Variants in NYAP2 observed in about 807,000 individuals in gnomAD.
The protein encoded by NYAP2 is neuronal tyrosine-phosphorylated phosphoinositide-3-kinase adapter 2.
A neutral mutation model predicts 50.4 loss-of-function variants in NYAP2; 23 were observed. That is an observed-to-expected ratio of 0.46 (90% CI 0.33 to 0.65). The LOEUF (loss-of-function observed/expected upper bound fraction) is 0.65. Among genes scored for constraint, NYAP2 ranks in the 30% least tolerant of loss-of-function variants. The pLI, the probability that NYAP2 is intolerant of heterozygous loss-of-function variation, is 0.02. For synonymous variants in NYAP2, 394 were observed against 365.2 expected (o/e 1.08, Z -0.90); for missense variants, 885 against 861.0 (o/e 1.03, Z -0.35).
intron 3 of NYAP2, among the ~76,000 whole-genome samples, chr2:225,506,979 G>A (rs1222785357): frequency 6.6e-6 from 1 of 152,020 alleles, no homozygotes; most frequent in African/African-American, 2.4e-5. Flanking sequence ...ATACACTGGA[G>A]TATGAATCAG....
chr2:225,694,854 CT>C, the NYAP2 span, among the ~76,000 whole-genome samples: 75 of 151,564 alleles, frequency 4.9e-4, no homozygotes, highest in Non-Finnish European at 5.8e-4. Context: ...TTGGGCAATG[CT>C]TTTTTCATGG....
At chr2:225,540,228 G>A (rs892783828) in intron 4 of NYAP2, among the ~76,000 whole-genome samples, 5 of 152,092 alleles carry the variant, frequency 3.3e-5, no homozygotes, top group African/African-American at 7.2e-5. Context: ...TTCCAAAGTC[G>A]CTTCCACTTA....
intron 3 of NYAP2, among the ~76,000 whole-genome samples, chr2:225,419,299 T>C (rs1695177919): frequency 6.6e-6 from 1 of 152,246 alleles, no homozygotes. Context: ...TTATTAGCAT[T>C]GGTAATGTTC....
At chr2:225,493,337 A>C (rs183887231) in intron 3 of NYAP2, among the ~76,000 whole-genome samples, 7 of 152,312 alleles carry the variant, frequency 4.6e-5, no homozygotes, top group Admixed American at 3.9e-4. Context: ...TGCATTGCCA[A>C]AGCCTACGTT....
chr2:225,483,751 A>G (rs1441507153), intron 3 of NYAP2, among the ~76,000 whole-genome samples: 2 of 152,248 alleles, frequency 1.3e-5, no homozygotes, highest in Admixed American at 6.5e-5. Flanking sequence ...ATACGGAAAT[A>G]ATTTGATGAT....
chr2:225,528,751 C>T (rs1691200561), intron 4 of NYAP2, among the ~76,000 whole-genome samples: 1 of 152,196 alleles, frequency 6.6e-6, no homozygotes. Context: ...ACCTGTGATT[C>T]TCCAGAACCC....
intron 4 of NYAP2, among the ~76,000 whole-genome samples, chr2:225,527,219 G>A (rs1205131875): frequency 6.6e-6 from 1 of 152,162 alleles, no homozygotes; most frequent in African/African-American, 2.4e-5. Context: ...TGGCACAGAT[G>A]GAGCCTTCCA....
chr2:225,535,432 C>CA (rs1465838216), intron 4 of NYAP2, among the ~76,000 whole-genome samples: 1 of 152,030 alleles, frequency 6.6e-6, no homozygotes, highest in African/African-American at 2.4e-5. Flanking sequence ...TTACAAGTGG[C>CA]AAAAACAGTT....
chr2:225,401,817 T>C (rs1157623197), intron 2 of NYAP2, among the ~76,000 whole-genome samples: 1 of 152,068 alleles, frequency 6.6e-6, no homozygotes, highest in Admixed American at 6.6e-5. Context: ...TAAAGTTCTT[T>C]TGGTACCATA....
intron 4 of NYAP2, among the ~76,000 whole-genome samples, chr2:225,517,260 C>T (rs1690953324): frequency 6.6e-6 from 1 of 151,994 alleles, no homozygotes; most frequent in South Asian, 2.1e-4. Context: ...CTTTTTATTG[C>T]TTCAGTGTGG....
chr2:225,611,587 G>A (rs537955124), intron 5 of NYAP2, among the ~76,000 whole-genome samples: 24 of 151,310 alleles, frequency 1.6e-4, no homozygotes, highest in African/African-American at 4.9e-4. Context: ...AAGATTTCTC[G>A]ACTTCCCTCC....
chr2:225,630,649 A>G lies in NYAP2; in HGVS notation c.1828+3523A>G, dbSNP rs141133498. 1.6e-4 allele frequency among the ~76,000 whole-genome samples: 25 copies of G among 152,384 alleles called. No homozygotes were observed. In the East Asian group the frequency reaches 4.6e-3, roughly 28 times the overall value. On this transcript the variant is annotated intron_variant, in intron 6 of 6. Transcript: ENST00000636099. ...AGGGATAAAAGGGGAATGATGTTGC[A>G]TAAGCAGTAGATGGTGTCTGCCATG...
chr2:225,402,367 C>G (rs1040114731), intron 2 of NYAP2, among the ~76,000 whole-genome samples: 1 of 152,014 alleles, frequency 6.6e-6, no homozygotes, highest in Non-Finnish European at 1.5e-5. Flanking sequence ...CTCCAGTCAG[C>G]AATTTATTAG....
chr2:225,525,979 G>C lies in NYAP2; in HGVS notation c.523+12307G>C, dbSNP rs987060174. 1.6e-4 allele frequency among the ~76,000 whole-genome samples: 25 copies of C among 152,194 alleles called. 1 individual carries two copies. The highest frequency in any genetic ancestry group is 2.9e-5 in the Non-Finnish European group (2 of 68,034). ...TCTGAGAGTTGAGAGCAGCACCATG[G>C]CTGAAAGTCAGCAAGAAAGGTGGGA... is the stretch of plus-strand genomic sequence containing the variant. On this transcript the variant is annotated intron_variant, in intron 4 of 6. Coordinates refer to ENST00000636099, the Ensembl canonical transcript of NYAP2.
chr2:225,528,478 TAC>T (rs1481145991), intron 4 of NYAP2, among the ~76,000 whole-genome samples: 1 of 152,136 alleles, frequency 6.6e-6, no homozygotes, highest in African/African-American at 2.4e-5. Flanking sequence ...TGTGAGAAAA[TAC>T]ACTCTTTAGT....
the NYAP2 span, among the ~76,000 whole-genome samples, chr2:225,660,371 A>G: frequency 6.6e-6 from 1 of 152,034 alleles, no homozygotes; most frequent in African/African-American, 2.4e-5. Context: ...ATACAATGAA[A>G]ACATTAAGTC....
chr2:225,538,228 C>CAGTACCCT (rs1478672269), intron 4 of NYAP2, among the ~76,000 whole-genome samples: 1 of 152,206 alleles, frequency 6.6e-6, no homozygotes, highest in Non-Finnish European at 1.5e-5. Flanking sequence ...CTCCACTAGA[C>CAGTACCCT]AGTACCCTAG....
At chr2:225,402,774 G>A (rs1559170736) in intron 2 of NYAP2, among the ~76,000 whole-genome samples, 1 of 151,998 alleles carries the variant, frequency 6.6e-6, no homozygotes, top group Non-Finnish European at 1.5e-5. Context: ...CTGAGAATGA[G>A]AAAATGAGTG....
At chr2:225,603,134 T>G (rs898496743) in intron 5 of NYAP2, among the ~76,000 whole-genome samples, 1 of 152,194 alleles carries the variant, frequency 6.6e-6, no homozygotes, top group African/African-American at 2.4e-5. Flanking sequence ...TGTATAAGTC[T>G]TTTACTTCCT....
Sources: gnomAD v4.1 joint callset for allele counts (sites outside exome capture counted in the v4.1 genomes callset) on GRCh38, gnomAD v4.1.1 for gene constraint, MANE v1.5 for transcripts, NCBI Gene and HGNC (gene_info 2026-07-23, HGNC 2026-07-21) for gene names.